The following ZNF569 variants were observed in gnomAD, a reference collection of about 807,000 sequenced individuals.
ZNF569 encodes the protein zinc finger protein 569.
In ZNF569, 38 loss-of-function variants were observed where a neutral mutation model predicts 56.3. The ratio of observed to expected loss-of-function variants is 0.68; its 90% CI spans 0.52 to 0.88. The LOEUF (loss-of-function observed/expected upper bound fraction) is 0.88. Ranked by LOEUF, ZNF569 falls within the 40% of genes least tolerant of loss-of-function variation. The pLI is 0.00. For missense variants in ZNF569, 666 were observed against 809.2 expected (o/e 0.82, Z 2.15); for synonymous variants, 241 against 262.9 (o/e 0.92, Z 0.81).
chr19:37,414,230 C>T lies in ZNF569; in HGVS notation c.428G>A (p.Gly143Glu), dbSNP rs146428389. Residue 143 changes from glycine (G) to glutamate (E), a missense_variant, in exon 6 of 6, where the codon GGA becomes GAA. Transcript: ENST00000316950. ...GTCAAAATTATGTTCTAAACACTTT[C>T]CAAATAAGTCATACTCATAGAGATT... ...RHNLYEYDLF[G>E]KCLEHNFDCH... 2 of 1,612,928 alleles carry T rather than the reference C, an allele frequency of 1.2e-6. No individual in the cohort carries two copies. The highest frequency in any genetic ancestry group is 1.3e-5 in the African/African-American group (1 of 74,862).
chr19:37,420,286 C>T (rs1484078386), intron 5 of ZNF569, among the ~76,000 whole-genome samples: 1 of 151,934 alleles, frequency 6.6e-6, no homozygotes, highest in East Asian at 1.9e-4. Flanking sequence ...CTGCGCCGGC[C>T]CCAATTTCTT....
At chr19:37,414,486 T>C (rs2040896000) in intron 5 of ZNF569, 67 bp from the exon 6 acceptor site, 2 of 1,505,952 alleles carry the variant, frequency 1.3e-6, no homozygotes, top group Non-Finnish European at 1.8e-6. Context: ...GAAGAACATT[T>C]TGAAAAATAT....
intron 5 of ZNF569, among the ~76,000 whole-genome samples, chr19:37,415,677 T>C (rs2040917003): frequency 6.7e-6 from 1 of 149,526 alleles, no homozygotes; most frequent in African/African-American, 2.5e-5. Context: ...GAGACCATCC[T>C]GGCTAACACA....
intron 3 of ZNF569, among the ~76,000 whole-genome samples, chr19:37,434,352 A>G (rs2041274668): frequency 1.3e-5 from 2 of 152,082 alleles, no homozygotes; most frequent in Non-Finnish European, 2.9e-5. Flanking sequence ...AAATACATCA[A>G]TAACTAAAAC....
intron 2 of ZNF569, among the ~76,000 whole-genome samples, chr19:37,448,492 C>A (rs750281555): frequency 5.3e-5 from 8 of 150,538 alleles, no homozygotes; most frequent in African/African-American, 1.5e-4. Context: ...AAAGAACAAG[C>A]CTTTAGTTCA....
At chr19:37,433,116 A>G (rs1054374296) in intron 3 of ZNF569, among the ~76,000 whole-genome samples, 1 of 151,918 alleles carries the variant, frequency 6.6e-6, no homozygotes, top group African/African-American at 2.4e-5. Context: ...ACGTTGCCCA[A>G]GCTGGTCTCA....
At chr19:37,440,496 T>TA (rs2041386239) in intron 3 of ZNF569, among the ~76,000 whole-genome samples, 1 of 152,050 alleles carries the variant, frequency 6.6e-6, no homozygotes, top group Non-Finnish European at 1.5e-5. Context: ...CAGAACCAGA[T>TA]AGAGGTGGTG....
At chr19:37,468,551 A>AG (rs1275871417), upstream of ZNF569, among the ~76,000 whole-genome samples, 1 of 152,178 alleles carries the variant, frequency 6.6e-6, no homozygotes, top group Non-Finnish European at 1.5e-5. Context: ...GCTGGAGTGC[A>AG]GTGGCGCGAT....
At chr19:37,467,998 G>A (rs1219648371), upstream of ZNF569, 1 of 1,476,858 alleles carries the variant, frequency 6.8e-7, no homozygotes, top group Non-Finnish European at 9.1e-7. Context: ...CAGACCGCCT[G>A]ACTTCTAAAC....
At chr19:37,436,318 C>A (rs972000519) in intron 3 of ZNF569, among the ~76,000 whole-genome samples, 1 of 151,784 alleles carries the variant, frequency 6.6e-6, no homozygotes, top group African/African-American at 2.4e-5. Flanking sequence ...CACATCAAAG[C>A]CCATGGGATA....
chr19:37,414,470 T>C (rs1400479052), intron 5 of ZNF569, 51 bp from the exon 6 acceptor site: 1 of 1,517,914 alleles, frequency 6.6e-7, no homozygotes, highest in Non-Finnish European at 8.8e-7. Context: ...TCCAATATTG[T>C]AATATGAAGA....
intron 2 of ZNF569, among the ~76,000 whole-genome samples, chr19:37,462,285 A>C (rs2041768482): frequency 6.6e-6 from 1 of 152,138 alleles, no homozygotes; most frequent in Non-Finnish European, 1.5e-5. Flanking sequence ...TGGCTACTTA[A>C]GGACATTTTT....
intron 3 of ZNF569, among the ~76,000 whole-genome samples, chr19:37,440,359 C>T (rs968694597): frequency 6.6e-6 from 1 of 151,672 alleles, no homozygotes; most frequent in African/African-American, 2.4e-5. Flanking sequence ...GATAATATAG[C>T]CAGAATAGGT....
intron 2 of ZNF569, among the ~76,000 whole-genome samples, chr19:37,453,858 C>A (rs1484205794): frequency 6.6e-6 from 1 of 152,156 alleles, no homozygotes; most frequent in Non-Finnish European, 1.5e-5. Context: ...TGGGTTGTTG[C>A]AATACCTATG....
chr19:37,440,461 T>C (rs1237731959), intron 3 of ZNF569, among the ~76,000 whole-genome samples: 2 of 152,138 alleles, frequency 1.3e-5, no homozygotes, highest in Non-Finnish European at 2.9e-5. Flanking sequence ...GTATGGGGTT[T>C]TATTTTGAGG....
intron 3 of ZNF569, among the ~76,000 whole-genome samples, chr19:37,436,822 G>A (rs947584856): frequency 3.9e-5 from 6 of 151,980 alleles, no homozygotes. Context: ...GATTGAAGCT[G>A]TAATAAAAAG....
chr19:37,426,427 T>C (rs375677375), intron 3 of ZNF569, 49 bp from the exon 4 acceptor site: 80 of 1,520,330 alleles, frequency 5.3e-5, no homozygotes, highest in Non-Finnish European at 6.7e-5. Flanking sequence ...TCTTGGGTGA[T>C]TGTAAACAAA....
chr19:37,458,315 A>T (rs1238014400), intron 2 of ZNF569, among the ~76,000 whole-genome samples: 1 of 152,200 alleles, frequency 6.6e-6, no homozygotes, highest in Non-Finnish European at 1.5e-5. Flanking sequence ...TGAATACCTC[A>T]TTAGCTTCAT....
intron 3 of ZNF569, among the ~76,000 whole-genome samples, chr19:37,442,653 G>C (rs923960917): frequency 1.3e-5 from 2 of 152,164 alleles, no homozygotes; most frequent in African/African-American, 2.4e-5. Context: ...GCAGTTGCCA[G>C]AGTAGTTCCA....
Sources: allele counts gnomAD v4.1 joint callset (sites outside exome capture counted in the v4.1 genomes callset), GRCh38; gene constraint gnomAD v4.1.1; transcripts MANE v1.5; gene names NCBI Gene and HGNC (gene_info 2026-07-23, HGNC 2026-07-21).